TBC1D14: variants seen among roughly 807,000 people sequenced by gnomAD.
TBC1D14 encodes the protein TBC1 domain family member 14.
TBC1D14 carries 26 observed loss-of-function variants against 79.0 expected under a neutral mutation model. The ratio of observed to expected loss-of-function variants is 0.33; its 90% CI spans 0.24 to 0.46. The LOEUF (loss-of-function observed/expected upper bound fraction) is 0.46. Ranked by LOEUF, TBC1D14 falls within the 20% of genes least tolerant of loss-of-function variation. TBC1D14 has a pLI of 1.00. For synonymous variants in TBC1D14, 394 were observed against 349.9 expected, an observed-to-expected ratio of 1.13 and a Z score of -1.40; for missense variants, 769 against 887.6, an observed-to-expected ratio of 0.87 and a Z score of 1.70.
intron 3 of TBC1D14, among the ~76,000 whole-genome samples, chr4:6,991,726 C>A (rs1351574087): frequency 6.6e-6 from 1 of 151,998 alleles, no homozygotes; most frequent in Non-Finnish European, 1.5e-5. Context: ...CCAGCATGGT[C>A]TAGGGTGGAG....
At chr4:6,971,564 A>G (rs4346651) in intron 3 of TBC1D14, among the ~76,000 whole-genome samples, 41,649 of 152,184 alleles carry the variant, frequency 0.27, 5,918 homozygotes, top group Middle Eastern at 0.33. Context: ...ATTTTTTGTT[A>G]ACCTCGATGG....
chr4:6,943,351 C>T (rs947382920), intron 2 of TBC1D14, among the ~76,000 whole-genome samples: 38 of 152,352 alleles, frequency 2.5e-4, no homozygotes, highest in African/African-American at 9.1e-4. Context: ...CCTCTCCCTT[C>T]TTCTTGAGAA....
intron 3 of TBC1D14, among the ~76,000 whole-genome samples, chr4:6,986,285 G>T (rs903035776): frequency 2.0e-5 from 3 of 152,206 alleles, no homozygotes; most frequent in Non-Finnish European, 2.9e-5. Flanking sequence ...GGTTGGCGTG[G>T]ACAATGCTGT....
intron 2 of TBC1D14, among the ~76,000 whole-genome samples, chr4:6,958,376 T>TACAC (rs60999179): frequency 0.14 from 21,336 of 149,132 alleles, 2,012 homozygotes; most frequent in Non-Finnish European, 0.22. Context: ...TCCCCACATA[T>TACAC]ACACACACAC....
At chr4:6,970,162 G>A (rs1177690967) in intron 3 of TBC1D14, among the ~76,000 whole-genome samples, 1 of 152,234 alleles carries the variant, frequency 6.6e-6, no homozygotes, top group Non-Finnish European at 1.5e-5. Context: ...AAAGTGTTGA[G>A]GAAATTCCTT....
Position 6,987,396 on chromosome 4 carries a change from C to G in TBC1D14, c.844-6788C>G, listed in dbSNP as rs532488778. The G allele has an allele frequency of 5.0e-5, 69 of 1,381,510 alleles. No homozygotes were observed. In the African/African-American group the frequency reaches 9.6e-4, roughly 19 times the overall value. The allele number at this position is 1,381,510 out of a possible 1,614,324, so 85.6% of individuals were successfully genotyped here. A position where few individuals can be genotyped will look rare whatever the true frequency, so the allele number is the denominator to read the frequency against. ...TGCCTCTCCCTGCGCCCCAGGCCTG[C>G]CCGGTCCCGTGGGCCTGTCCTGTCC... On this transcript the variant is annotated intron_variant, in intron 3 of 13. Transcript: ENST00000409757.
chr4:6,921,843 C>T (rs1237284620), intron 1 of TBC1D14, among the ~76,000 whole-genome samples: 2 of 151,836 alleles, frequency 1.3e-5, no homozygotes, highest in Middle Eastern at 3.2e-3. Flanking sequence ...ATTACAGGCG[C>T]ACACCACCAC....
At chr4:6,930,190 G>C (rs1052778687) in intron 2 of TBC1D14, among the ~76,000 whole-genome samples, 1 of 152,172 alleles carries the variant, frequency 6.6e-6, no homozygotes, top group East Asian at 1.9e-4. Context: ...GCGTCTGTCC[G>C]GGCACTGAAG....
intron 1 of TBC1D14, among the ~76,000 whole-genome samples, chr4:6,911,080 T>TA (rs1722949556): frequency 6.6e-6 from 1 of 152,224 alleles, no homozygotes; most frequent in African/African-American, 2.4e-5. Context: ...GGCTAGTCCT[T>TA]ACAGCAGTCT....
chr4:7,026,171 G>A (rs934626112), intron 13 of TBC1D14, among the ~76,000 whole-genome samples: 16 of 150,962 alleles, frequency 1.1e-4, no homozygotes, highest in Non-Finnish European at 1.9e-4. Context: ...TTTTTTTAAT[G>A]GAAGATTTAA....
chr4:7,003,819 C>T (rs1049810836), intron 7 of TBC1D14, among the ~76,000 whole-genome samples: 30 of 151,654 alleles, frequency 2.0e-4, no homozygotes, highest in Admixed American at 4.6e-4. Flanking sequence ...CTGGCCAACA[C>T]GGCCAAATCC....
intron 8 of TBC1D14, 71 bp from the exon 9 acceptor site, chr4:7,006,561 C>A: frequency 7.0e-7 from 1 of 1,429,386 alleles, no homozygotes; most frequent in Admixed American, 1.9e-5. Flanking sequence ...TCTTGTAAAA[C>A]TTCAAAGGCT....
chr4:6,945,749 CAAAAAAAAAAAAAAAAAAAAAAAA>C (rs71173472), intron 2 of TBC1D14, among the ~76,000 whole-genome samples: 1 of 64,134 alleles, frequency 1.6e-5, no homozygotes, highest in Admixed American at 2.5e-4. Context: ...AACTGCGTCT[CAAAAAAAAAAAAAAAAAAAAAAAA>C]AAAAAAAAAA....
chr4:6,959,109 T>C (rs1423473000), intron 2 of TBC1D14, among the ~76,000 whole-genome samples: 2 of 151,976 alleles, frequency 1.3e-5, no homozygotes, highest in Non-Finnish European at 2.9e-5. Context: ...ATGGTCTGCA[T>C]CTCCTGACCT....
In TBC1D14 at chr4:6,967,311, C is replaced by T; in HGVS notation, c.730C>T (p.Leu244Phe). 1 of 1,613,642 alleles carries T rather than the reference C, an allele frequency of 6.2e-7. No individual in the cohort carries two copies. Among genetic ancestry groups the T allele is most frequent in the Non-Finnish European group, 8.5e-7 (1 of 1,179,912 alleles). ...GTTATTTTCTTCCTATAGGAACTTG[C>T]TTGCTAGAAAACAAAGTGCAAGGCT... ...PFSNFFARNL[L>F]ARKQSARLDK... The change falls in exon 3 of 14, where the codon CTT (leucine) becomes TTT (phenylalanine). Residue 244 changes from leucine (L) to phenylalanine (F), a missense_variant. By Grantham distance (22) the Leu-to-Phe change is conservative. Coordinates refer to ENST00000409757, the MANE Select transcript of TBC1D14 (RefSeq NM_020773.3).
chr4:7,026,664 A>G (rs527365396), intron 13 of TBC1D14, among the ~76,000 whole-genome samples: 1 of 152,276 alleles, frequency 6.6e-6, no homozygotes, highest in East Asian at 1.9e-4. Flanking sequence ...TGGGAGGCCA[A>G]GGTTGGGGGA....
At chr4:6,933,950 A>G (rs1712042737) in intron 2 of TBC1D14, among the ~76,000 whole-genome samples, 1 of 152,166 alleles carries the variant, frequency 6.6e-6, no homozygotes, top group Non-Finnish European at 1.5e-5. Flanking sequence ...GGTGTGGAGA[A>G]AAGAAAGGAG....
At chr4:7,015,151 C>T (rs902055648) in intron 12 of TBC1D14, among the ~76,000 whole-genome samples, 4 of 151,902 alleles carry the variant, frequency 2.6e-5, no homozygotes, top group Admixed American at 1.3e-4. Flanking sequence ...AGCTCTGGAG[C>T]TTGGGCAGGA....
At chr4:7,017,462 A>AGGCAGT (rs1321575459) in intron 12 of TBC1D14, among the ~76,000 whole-genome samples, 1 of 152,148 alleles carries the variant, frequency 6.6e-6, no homozygotes, top group Non-Finnish European at 1.5e-5. Context: ...GGTTTGTGTG[A>AGGCAGT]GGCAGTGTCA....
Sources: allele counts gnomAD v4.1 joint callset (sites outside exome capture counted in the v4.1 genomes callset), GRCh38; gene constraint gnomAD v4.1.1; transcripts MANE v1.5; gene names NCBI Gene and HGNC (gene_info 2026-07-23, HGNC 2026-07-21).